The following SLC39A11 variants were observed in gnomAD, a reference collection of about 807,000 sequenced individuals.
SLC39A11 encodes zinc transporter ZIP11.
Under a neutral mutation model 36.1 loss-of-function variants are expected in SLC39A11, and 33 were observed. That is an observed-to-expected ratio of 0.91 (90% CI 0.69 to 1.22). SLC39A11 has a LOEUF of 1.22. Among genes scored for constraint, SLC39A11 ranks in the 50% most tolerant of loss-of-function variants. SLC39A11 has a pLI of 0.00. For missense variants in SLC39A11, 432 were observed against 430.3 expected (o/e 1.00, Z -0.03); for synonymous variants, 166 against 170.3 (o/e 0.97, Z 0.20).
chr17:72,931,824 CTCTGA>C (rs1329090311), intron 5 of SLC39A11, among the ~76,000 whole-genome samples: 2 of 152,178 alleles, frequency 1.3e-5, no homozygotes, highest in Non-Finnish European at 2.9e-5. Context: ...AGCTTTCATT[CTCTGA>C]TCTAAGATCT....
rs550839783 is a variant in SLC39A11 at position 72,874,598 on chromosome 17, G to A, written c.431-24794C>T. ...CCTGGTATAGGAGCCTGAAGTTATC[G>A]GTCCAGAAAGAAAATGCAGGTTCCT... On this transcript the variant is annotated intron_variant, in intron 5 of 9. Transcript: ENST00000255559. 2.6e-5 allele frequency among the ~76,000 whole-genome samples: 4 copies of A among 152,272 alleles called. No individual in the cohort carries two copies. The East Asian group carries it at 5.8e-4, about 22-fold the overall frequency.
chr17:72,957,074 G>A (rs1294224879), intron 4 of SLC39A11, among the ~76,000 whole-genome samples: 2 of 152,082 alleles, frequency 1.3e-5, no homozygotes, highest in Non-Finnish European at 2.9e-5. Flanking sequence ...CTTCTTGGTG[G>A]GGCCTGTCAT....
At chr17:72,653,105 T>C (rs1215977764) in intron 7 of SLC39A11, among the ~76,000 whole-genome samples, 1 of 91,890 alleles carries the variant, frequency 1.1e-5, no homozygotes, top group Non-Finnish European at 2.2e-5. Flanking sequence ...GCACGCTTTT[T>C]TTTTCTTTTT....
chr17:72,783,919 C>T (rs1449768245), intron 6 of SLC39A11, among the ~76,000 whole-genome samples: 2 of 152,158 alleles, frequency 1.3e-5, no homozygotes, highest in Admixed American at 6.5e-5. Flanking sequence ...AGCCAGCCCC[C>T]ACCCAGGGCA....
At chr17:72,806,551 G>A (rs1031527721) in intron 6 of SLC39A11, among the ~76,000 whole-genome samples, 1 of 152,052 alleles carries the variant, frequency 6.6e-6, no homozygotes, top group Non-Finnish European at 1.5e-5. Context: ...GAAAATTCAG[G>A]TACTTCAGTT....
intron 5 of SLC39A11, among the ~76,000 whole-genome samples, chr17:72,911,027 C>G (rs2082963470): frequency 6.6e-6 from 1 of 151,942 alleles, no homozygotes; most frequent in Non-Finnish European, 1.5e-5. Flanking sequence ...CTACTCACAA[C>G]TCAGTATAGG....
intron 4 of SLC39A11, among the ~76,000 whole-genome samples, chr17:73,022,042 G>A (rs1036042250): frequency 6.6e-6 from 1 of 152,268 alleles, no homozygotes; most frequent in Admixed American, 6.5e-5. Context: ...TCAAAAGCCA[G>A]AGAGCAGACA....
At chr17:72,929,856 T>C (rs571061043) in intron 5 of SLC39A11, among the ~76,000 whole-genome samples, 1 of 152,320 alleles carries the variant, frequency 6.6e-6, no homozygotes, top group Non-Finnish European at 1.5e-5. Context: ...GGCACATCGC[T>C]GTGTTAAATG....
At chr17:72,678,952 A>C (rs1163239060) in intron 7 of SLC39A11, among the ~76,000 whole-genome samples, 1 of 152,232 alleles carries the variant, frequency 6.6e-6, no homozygotes, top group Non-Finnish European at 1.5e-5. Context: ...AAAAAGAATG[A>C]GATCGTGTCA....
At position 72,649,167 on chromosome 17, in the gene SLC39A11, C is replaced by T. The variant is rs763737191; in HGVS notation, c.770+3G>A. 175 of 1,612,584 alleles carry T rather than the reference C, an allele frequency of 1.1e-4. No homozygotes were observed. Among genetic ancestry groups the T allele is most frequent in the Non-Finnish European group, 1.5e-4 (174 of 1,179,384 alleles). On this transcript the variant is annotated splice_donor_region_variant and intron_variant, in intron 8 of 9. Coordinates refer to ENST00000255559, the MANE Select transcript of SLC39A11 (RefSeq NM_139177.4). ...CATGGCCTTGCCCTTGGGCAGCACT[C>T]ACCAGAAAGCTCTCCAGGTGGAGAA...
At chr17:72,868,584 C>A (rs1188080023) in intron 5 of SLC39A11, among the ~76,000 whole-genome samples, 1 of 123,816 alleles carries the variant, frequency 8.1e-6, no homozygotes, top group African/African-American at 3.2e-5. Context: ...TAGTTCAAGA[C>A]CAGCCTCGGC....
At chr17:72,764,009 C>T (rs1308083091) in intron 6 of SLC39A11, among the ~76,000 whole-genome samples, 1 of 152,006 alleles carries the variant, frequency 6.6e-6, no homozygotes, top group Non-Finnish European at 1.5e-5. Flanking sequence ...CTCCTGAGTA[C>T]CCGAATAAAG....
chr17:72,683,278 A>G (rs1205024253), intron 7 of SLC39A11, among the ~76,000 whole-genome samples: 1 of 152,102 alleles, frequency 6.6e-6, no homozygotes, highest in Admixed American at 6.6e-5. Context: ...GAAGGAAGAA[A>G]TAGATCCAAT....
At chr17:72,915,789 T>C (rs2083294937) in intron 5 of SLC39A11, among the ~76,000 whole-genome samples, 1 of 152,208 alleles carries the variant, frequency 6.6e-6, no homozygotes, top group African/African-American at 2.4e-5. Flanking sequence ...AGCTCCTATA[T>C]TCACACCTTT....
chr17:73,088,705 C>T lies in SLC39A11; in HGVS notation c.60G>A (p.Gly20=), dbSNP rs146208211. 9,701 of 1,612,570 alleles carry T rather than the reference C, an allele frequency of 6.0e-3. 43 individuals are homozygous for T. Among genetic ancestry groups the T allele is most frequent in the Non-Finnish European group, 7.5e-3 (8,831 of 1,179,326 alleles). ...CGAGAGCTGCCCCAGCTGCTGTCAT[C>T]CCCCAGGTGAAGAAGGTCCCCAGCA... ...QALLGTFFTW[G]MTAAGAALVF... Residue 20 remains glycine, a synonymous_variant, in exon 2 of 10, where the codon GGG becomes GGA. Coordinates refer to ENST00000255559, the MANE Select transcript of SLC39A11 (RefSeq NM_139177.4).
At position 72,998,391 on chromosome 17, in the gene SLC39A11, G is replaced by A. The variant is rs188972092; in HGVS notation, c.306+33165C>T. Reference sequence around the variant, plus strand: ...GTCCAAAGTCATGCACCAATTTTAGGAAGCCTTTTATGACTCTCCCAAGTA... The same window carrying A: ...GTCCAAAGTCATGCACCAATTTTAGAAAGCCTTTTATGACTCTCCCAAGTA... On this transcript the variant is annotated intron_variant, in intron 4 of 9. Transcript: ENST00000255559. 1.9e-4 allele frequency among the ~76,000 whole-genome samples: 29 copies of A among 152,222 alleles called. No homozygotes were observed. In the East Asian group the frequency reaches 4.2e-3, roughly 22 times the overall value.
chr17:72,896,005 A>C (rs1438537124), intron 5 of SLC39A11, among the ~76,000 whole-genome samples: 1 of 151,948 alleles, frequency 6.6e-6, no homozygotes, highest in East Asian at 1.9e-4. Flanking sequence ...TTTGGTGTGC[A>C]TATGTATGAT....
chr17:73,021,435 G>A (rs1397580951), intron 4 of SLC39A11, among the ~76,000 whole-genome samples: 2 of 152,012 alleles, frequency 1.3e-5, no homozygotes, highest in Non-Finnish European at 2.9e-5. Flanking sequence ...TGCCTCCTGG[G>A]TTCAAGCAAT....
At chr17:73,074,015 T>C (rs2060241962) in intron 3 of SLC39A11, among the ~76,000 whole-genome samples, 1 of 146,974 alleles carries the variant, frequency 6.8e-6, no homozygotes, top group African/African-American at 2.5e-5. Flanking sequence ...AGAAAACATA[T>C]CAGGCTTCCC....
Sources: allele counts gnomAD v4.1 joint callset (sites outside exome capture counted in the v4.1 genomes callset), GRCh38; gene constraint gnomAD v4.1.1; transcripts MANE v1.5; gene names NCBI Gene and HGNC (gene_info 2026-07-23, HGNC 2026-07-21).